Variants in MGAT5 observed in about 807,000 individuals in gnomAD.
MGAT5 encodes the protein alpha-1,6-mannosylglycoprotein 6-beta-N-acetylglucosaminyltransferase A.
Under a neutral mutation model 94.3 loss-of-function variants are expected in MGAT5, and 30 were observed. The ratio of observed to expected loss-of-function variants is 0.32; its 90% CI spans 0.24 to 0.43. The LOEUF (loss-of-function observed/expected upper bound fraction) is 0.43, where lower values mean the gene tolerates loss of function less well. MGAT5 is among the 20% of genes least tolerant of loss of function. The probability of loss-of-function intolerance (pLI) is 1.00; values close to 1 mark genes in which losing one functional copy is unlikely to be tolerated. For missense variants in MGAT5, 691 were observed against 905.5 expected (o/e 0.76, Z 3.04); for synonymous variants, 310 against 322.9 (o/e 0.96, Z 0.43).
chr2:134,391,741 G>A (rs80197650), intron 10 of MGAT5, among the ~76,000 whole-genome samples: 1,789 of 152,328 alleles, frequency 0.012, 33 homozygotes, highest in African/African-American at 0.04. Flanking sequence ...AATCCTGGAC[G>A]TGGGATGGAC....
rs1228297430 is a variant in MGAT5 at position 134,336,071 on chromosome 2, TAAA to T, written c.574-144_574-142del. On this transcript the variant is annotated intron_variant, in intron 4 of 15. Coordinates refer to ENST00000281923, the MANE Select transcript of MGAT5 (RefSeq NM_002410.5). ...GGGCACTTGTATCTGGAATACTAGC[TAAA>T]AGCATGGGAATTTGGCTAATAATAA... 3 of 630,004 alleles carry T rather than the reference TAAA, an allele frequency of 4.8e-6. No homozygotes were observed. The East Asian group carries it at 8.5e-5, about 18-fold the overall frequency. 39.0% of individuals were successfully genotyped at this position (630,004 alleles called of 1,614,324 possible).
intron 9 of MGAT5, among the ~76,000 whole-genome samples, chr2:134,360,677 C>T (rs1465141083): frequency 6.6e-6 from 1 of 152,212 alleles, no homozygotes; most frequent in Non-Finnish European, 1.5e-5. Context: ...GGTTTTGTTC[C>T]TCTCCCCGCT....
At chr2:134,329,141 T>C (rs1248431360) in intron 4 of MGAT5, among the ~76,000 whole-genome samples, 1 of 152,122 alleles carries the variant, frequency 6.6e-6, no homozygotes, top group Non-Finnish European at 1.5e-5. Context: ...TTTCCCTAAA[T>C]CTGGCAACCC....
chr2:134,394,765 C>T (rs1185216129), intron 10 of MGAT5, among the ~76,000 whole-genome samples: 1 of 152,194 alleles, frequency 6.6e-6, no homozygotes, highest in East Asian at 1.9e-4. Flanking sequence ...CAAAATTCTT[C>T]CCTGACAACT....
chr2:134,289,726 C>T (rs1685230605), intron 2 of MGAT5, among the ~76,000 whole-genome samples: 1 of 152,176 alleles, frequency 6.6e-6, no homozygotes, highest in Non-Finnish European at 1.5e-5. Context: ...AATCTTGGCA[C>T]ATGTTAGGTA....
intron 2 of MGAT5, among the ~76,000 whole-genome samples, chr2:134,295,062 A>T (rs10202994): frequency 6.6e-6 from 1 of 152,028 alleles, no homozygotes; most frequent in Non-Finnish European, 1.5e-5. Context: ...AGAAAGTAAA[A>T]ATGGCCTTGC....
chr2:134,397,758 A>G (rs568873852), intron 10 of MGAT5, among the ~76,000 whole-genome samples: 154 of 152,304 alleles, frequency 1.0e-3, no homozygotes, highest in South Asian at 5.6e-3. Context: ...CTGTTGAGAC[A>G]ACGAGCCCAG....
intron 1 of MGAT5, chr2:134,127,281 C>T (rs1202455477): frequency 6.5e-6 from 1 of 154,690 alleles, no homozygotes; most frequent in Non-Finnish European, 1.5e-5. Flanking sequence ...TAAAAAAGTT[C>T]TAGTCTCTGT....
intron 2 of MGAT5, among the ~76,000 whole-genome samples, chr2:134,271,607 T>G (rs1279984419): frequency 6.6e-6 from 1 of 152,222 alleles, no homozygotes; most frequent in African/African-American, 2.4e-5. Context: ...AACATTTAAT[T>G]GTTTTACATT....
chr2:134,134,384 A>C (rs1006546316), intron 1 of MGAT5, among the ~76,000 whole-genome samples: 2 of 152,156 alleles, frequency 1.3e-5, no homozygotes, highest in African/African-American at 4.8e-5. Flanking sequence ...AGCCCCCTGC[A>C]GCCTGGGATC....
intron 1 of MGAT5, among the ~76,000 whole-genome samples, chr2:134,222,627 C>CTG (rs1477215417): frequency 2.1e-5 from 2 of 96,952 alleles, no homozygotes. Context: ...TTTTTCCCAT[C>CTG]ACTTTTGTAT....
At chr2:134,239,900 T>A (rs950318016) in intron 1 of MGAT5, among the ~76,000 whole-genome samples, 2 of 152,078 alleles carry the variant, frequency 1.3e-5, no homozygotes, top group Admixed American at 6.6e-5. Flanking sequence ...TACAAAAAAT[T>A]AGTGAGTCCA....
At chr2:134,367,159 G>A (rs1290324632) in intron 10 of MGAT5, among the ~76,000 whole-genome samples, 1 of 152,176 alleles carries the variant, frequency 6.6e-6, no homozygotes, top group Non-Finnish European at 1.5e-5. Flanking sequence ...TCCTGACTGG[G>A]CCACCAGCTG....
chr2:134,169,877 C>A (rs1688125643), intron 1 of MGAT5, among the ~76,000 whole-genome samples: 1 of 152,102 alleles, frequency 6.6e-6, no homozygotes, highest in African/African-American at 2.4e-5. Context: ...CAGGAGGTAG[C>A]TTGTCTGATT....
At chr2:134,370,557 T>C (rs1354068879) in intron 10 of MGAT5, among the ~76,000 whole-genome samples, 1 of 152,268 alleles carries the variant, frequency 6.6e-6, no homozygotes, top group African/African-American at 2.4e-5. Flanking sequence ...AAAAGATCTT[T>C]TCATGATCCC....
intron 9 of MGAT5, among the ~76,000 whole-genome samples, chr2:134,359,843 G>A (rs745704783): frequency 1.2e-4 from 18 of 152,186 alleles, no homozygotes; most frequent in Non-Finnish European, 2.4e-4. Flanking sequence ...CTCGGCAGAT[G>A]TTACCGGGTG....
At chr2:134,270,300 T>G in intron 1 of MGAT5, 86 bp from the exon 2 acceptor site, 2 of 1,315,128 alleles carry the variant, frequency 1.5e-6, no homozygotes, top group Non-Finnish European at 2.1e-6. Flanking sequence ...TTTGAGAAGT[T>G]TTGTTCTCCA....
At chr2:134,399,165 C>A (rs35243281) in intron 10 of MGAT5, among the ~76,000 whole-genome samples, 65,107 of 152,026 alleles carry the variant, frequency 0.43, 14,778 homozygotes, top group Middle Eastern at 0.64. Context: ...TTGAAATATC[C>A]CATATATCCC....
intron 1 of MGAT5, among the ~76,000 whole-genome samples, chr2:134,185,433 A>G (rs1688958391): frequency 6.6e-6 from 1 of 152,230 alleles, no homozygotes; most frequent in South Asian, 2.1e-4. Context: ...TTGCTGATGC[A>G]GGAAAACATC....
Sources: gnomAD v4.1 joint callset for allele counts (sites outside exome capture counted in the v4.1 genomes callset) on GRCh38, gnomAD v4.1.1 for gene constraint, MANE v1.5 for transcripts, NCBI Gene and HGNC (gene_info 2026-07-23, HGNC 2026-07-21) for gene names.